Variants in GTF2I observed in about 807,000 individuals in gnomAD.
The protein encoded by GTF2I is general transcription factor II-I.
Under a neutral mutation model 67.6 loss-of-function variants are expected in GTF2I, and 12 were observed. That is an observed-to-expected ratio of 0.18 (90% CI 0.11 to 0.29). The LOEUF is 0.29. Among genes scored for constraint, GTF2I ranks in the 10% least tolerant of loss-of-function variants. GTF2I has a pLI of 1.00. For synonymous variants in GTF2I, 149 were observed against 197.0 expected (o/e 0.76, Z 2.04); for missense variants, 271 against 580.1 (o/e 0.47, Z 5.47).
At chr7:74,708,346 T>C (rs1791052079) in intron 8 of GTF2I, among the ~76,000 whole-genome samples, 1 of 152,174 alleles carries the variant, frequency 6.6e-6, no homozygotes, top group Non-Finnish European at 1.5e-5. Flanking sequence ...GGTTATAAAA[T>C]TGTTAACTTT....
intron 1 of GTF2I, chr7:74,684,843 T>C (rs1221359116): frequency 6.6e-6 from 1 of 152,246 alleles, no homozygotes; most frequent in Non-Finnish European, 1.5e-5. Context: ...AGTGTGATTG[T>C]TACCAGTGGA....
intron 1 of GTF2I, among the ~76,000 whole-genome samples, chr7:74,670,575 G>A (rs1805360481): frequency 6.6e-6 from 1 of 151,778 alleles, no homozygotes; most frequent in Admixed American, 6.6e-5. Flanking sequence ...GCATCTACCT[G>A]TAGTCCCAGG....
chr7:74,667,109 C>T (rs1370656772), intron 1 of GTF2I, among the ~76,000 whole-genome samples: 3 of 152,162 alleles, frequency 2.0e-5, no homozygotes, highest in East Asian at 3.8e-4. Flanking sequence ...CACGCCATTC[C>T]ACTCCAGCCT....
Position 74,700,311 on chromosome 7 carries a change from G to T in GTF2I, c.438G>T (p.Ser146=), listed in dbSNP as rs190779878. The change falls in exon 5 of 35, where the codon TCG becomes TCT. Residue 146 remains serine, a synonymous_variant. Coordinates refer to ENST00000573035, the MANE Select transcript of GTF2I (RefSeq NM_032999.4). Reference sequence around the variant, plus strand: ...ATGAGAAGATGCTGCGAGACCAGTCGGCTGTGGTAGTGCAGGGGCTTCCGG... The same window carrying T: ...ATGAGAAGATGCTGCGAGACCAGTCTGCTGTGGTAGTGCAGGGGCTTCCGG... The part of the protein sequence containing the change: ...VPYEKMLRDQ[S]AVVVQGLPEG... The T allele has an allele frequency of 1.2e-6, 2 of 1,614,056 alleles. No individual in the cohort carries two copies. The highest frequency in any genetic ancestry group is 1.7e-6 in the Non-Finnish European group (2 of 1,180,020).
Position 74,705,048 on chromosome 7 carries a change from G to A in GTF2I, c.587-116G>A. On this transcript the variant is annotated intron_variant, in intron 6 of 34. Coordinates refer to ENST00000573035, the MANE Select transcript of GTF2I (RefSeq NM_032999.4). ...GATGAAAAGCAGTGTTTATTCTGGT[G>A]TGATCCAGAGCTGCAAAGCCTAGTT... 10 of 700,234 alleles carry A rather than the reference G, an allele frequency of 1.4e-5. No homozygotes were observed. In the South Asian group the frequency reaches 1.6e-4, roughly 11 times the overall value. The allele number at this position is 700,234 out of a possible 1,614,324, so 43.4% of individuals were successfully genotyped here. A position where few individuals can be genotyped will look rare whatever the true frequency, so the allele number is the denominator to read the frequency against.
chr7:74,726,295 T>C (rs1490825117), intron 12 of GTF2I: 1 of 152,242 alleles, frequency 6.6e-6, no homozygotes, highest in Non-Finnish European at 1.5e-5. Context: ...GTGTATTTTG[T>C]TTTAACCTTT....
At chr7:74,704,499 G>T (rs1366189945) in intron 6 of GTF2I, among the ~76,000 whole-genome samples, 2 of 151,638 alleles carry the variant, frequency 1.3e-5, no homozygotes, top group Middle Eastern at 3.2e-3. Flanking sequence ...CACCATGTTG[G>T]CCAGGCTGGT....
chr7:74,658,657 C>G (rs1334700719), intron 1 of GTF2I, among the ~76,000 whole-genome samples: 1 of 147,988 alleles, frequency 6.8e-6, no homozygotes, highest in African/African-American at 2.5e-5. Context: ...CTGCGGCGGG[C>G]GGGGGAGCGG....
intron 3 of GTF2I, among the ~76,000 whole-genome samples, chr7:74,697,846 G>T (rs1374672990): frequency 1.3e-5 from 2 of 152,016 alleles, no homozygotes; most frequent in Admixed American, 6.6e-5. Context: ...TTGGCTCACT[G>T]CACCCTCCAC....
intron 1 of GTF2I, 31 bp downstream of exon 1, chr7:74,658,099 C>T (rs1347681690): frequency 6.6e-6 from 1 of 151,736 alleles, no homozygotes; most frequent in African/African-American, 2.4e-5. Flanking sequence ...CCCCGCGCCC[C>T]CCGCCCCCGC....
intron 1 of GTF2I, among the ~76,000 whole-genome samples, chr7:74,688,370 C>T (rs949600443): frequency 1.3e-5 from 2 of 152,128 alleles, no homozygotes; most frequent in Non-Finnish European, 2.9e-5. Context: ...TGAGCCACCA[C>T]GCCTGGCCAG....
intron 3 of GTF2I, among the ~76,000 whole-genome samples, chr7:74,698,508 C>G (rs987925084): frequency 3.4e-5 from 5 of 146,664 alleles, no homozygotes; most frequent in African/African-American, 1.3e-4. Context: ...CCTTAAACTT[C>G]TAGACTCAAG....
chr7:74,669,540 CTT>C (rs797035367), intron 1 of GTF2I, among the ~76,000 whole-genome samples: 2 of 130,056 alleles, frequency 1.5e-5, no homozygotes, highest in African/African-American at 2.9e-5. Flanking sequence ...TGGAAGGTGA[CTT>C]TTTTTTTTTT....
intron 3 of GTF2I, 53 bp downstream of exon 3, chr7:74,691,164 T>G (rs1788254926): frequency 1.3e-5 from 17 of 1,284,916 alleles, no homozygotes; most frequent in Non-Finnish European, 1.8e-5. Flanking sequence ...GCCTAAATAT[T>G]TGTAGGTAAG....
At chr7:74,666,811 C>CAAA (rs61609037) in intron 1 of GTF2I, among the ~76,000 whole-genome samples, 1 of 129,160 alleles carries the variant, frequency 7.7e-6, no homozygotes, top group African/African-American at 2.8e-5. Context: ...ACTAAAAATA[C>CAAA]AAAAAAAAAA....
intron 1 of GTF2I, among the ~76,000 whole-genome samples, chr7:74,664,587 C>T (rs1361417088): frequency 6.6e-6 from 1 of 152,042 alleles, no homozygotes; most frequent in East Asian, 1.9e-4. Flanking sequence ...GTGTGTGCCA[C>T]CATGCCCGGC....
chr7:74,716,919 T>C lies in GTF2I; in HGVS notation c.849T>C (p.Asn283=), dbSNP rs367846325. 1.2e-6 allele frequency: 2 copies of C among 1,608,118 alleles called. No homozygotes were observed. Among genetic ancestry groups the C allele is most frequent in the African/African-American group, 2.7e-5 (2 of 74,760 alleles). ...GAAGCCACCATTCTTCAGAGGGCAA[T>C]GAAGGCACAGAAATGGAAGTACCAG... ...LQGSHHSSEG[N]EGTEMEVPAE... Residue 283 remains asparagine, a synonymous_variant, in exon 11 of 35, where the codon AAT becomes AAC. Transcript: ENST00000573035.
intron 1 of GTF2I, among the ~76,000 whole-genome samples, chr7:74,660,733 T>G (rs1330971206): frequency 1.3e-5 from 2 of 150,472 alleles, no homozygotes; most frequent in East Asian, 2.0e-4. Context: ...GCGATTCTCC[T>G]GCTTCAGACT....
chr7:74,668,785 G>C (rs974215451), intron 1 of GTF2I, among the ~76,000 whole-genome samples: 1 of 151,946 alleles, frequency 6.6e-6, no homozygotes, highest in Admixed American at 6.6e-5. Flanking sequence ...TGTTGGCCAG[G>C]CTGGTCTTGA....
Sources: gnomAD v4.1 joint callset for allele counts (sites outside exome capture counted in the v4.1 genomes callset) on GRCh38, gnomAD v4.1.1 for gene constraint, MANE v1.5 for transcripts, NCBI Gene and HGNC (gene_info 2026-07-23, HGNC 2026-07-21) for gene names.